The following TMEM53 variants were observed in gnomAD, a reference collection of about 807,000 sequenced individuals.
TMEM53 encodes the protein novel DUF829 domain-containing protein.
Under a neutral mutation model 21.4 loss-of-function variants are expected in TMEM53, and 14 were observed. The observed-to-expected ratio is 0.65, with a 90% confidence interval of 0.43 to 1.02. The LOEUF (loss-of-function observed/expected upper bound fraction) is 1.02. TMEM53 is among the 50% of genes least tolerant of loss of function. The pLI is 0.00. For missense variants in TMEM53, 323 were observed against 383.6 expected, an observed-to-expected ratio of 0.84 and a Z score of 1.32; for synonymous variants, 148 against 157.4, an observed-to-expected ratio of 0.94 and a Z score of 0.45.
At chr1:44,671,614 T>C (rs1645001558) in intron 1 of TMEM53, among the ~76,000 whole-genome samples, 1 of 151,972 alleles carries the variant, frequency 6.6e-6, no homozygotes, top group Non-Finnish European at 1.5e-5. Flanking sequence ...AAAATGAAAA[T>C]TTTTTAAACT....
chr1:44,670,050 G>A (rs2148538108), intron 1 of TMEM53, among the ~76,000 whole-genome samples: 1 of 151,226 alleles, frequency 6.6e-6, no homozygotes, highest in Admixed American at 6.6e-5. Context: ...CGCCAACCTC[G>A]GCCTCCCAAA....
At position 44,655,161 on chromosome 1, in the gene TMEM53, A is replaced by G; in HGVS notation, c.232T>C (p.Ser78Pro). 1 of 1,613,628 alleles carries G rather than the reference A, an allele frequency of 6.2e-7. No homozygotes were observed. Among genetic ancestry groups the G allele is most frequent in the Non-Finnish European group, 8.5e-7 (1 of 1,179,752 alleles). The change falls in exon 3 of 3, where the codon TCC (serine) becomes CCC (proline). Residue 78 changes from serine to proline, a missense_variant. This residue lies in a region of TMEM53 where 269 missense variants were observed against 334.5 expected (regional missense o/e 0.80). Transcript: ENST00000372237. The surrounding 1 kb of genome is among the most constrained non-coding windows in gnomAD (Gnocchi z 4.4). The part of the protein sequence containing the change: ...YTAPWHMVFF[S>P]ESLGIPSLRV... ...AGTGAAGGGATACCCAGTGACTCGG[A>G]GAAGAAGACCATGTGCCACGGGGCT...
intron 1 of TMEM53, among the ~76,000 whole-genome samples, chr1:44,669,797 A>AT (rs35923018): frequency 0.036 from 4,840 of 135,142 alleles, 100 homozygotes; most frequent in Non-Finnish European, 0.048. Flanking sequence ...AAAGCATCCT[A>AT]TTTTTTTTTT....
chr1:44,654,306 C>A lies in TMEM53; in HGVS notation c.*253G>T, dbSNP rs2148527367. 2.0e-6 allele frequency: 1 copy of A among 494,536 alleles called. No homozygotes were observed. Among genetic ancestry groups the A allele is most frequent in the South Asian group, 2.9e-5 (1 of 34,624 alleles). The allele number at this position is 494,536 out of a possible 1,614,324, so 30.6% of individuals were successfully genotyped here. A position where few individuals can be genotyped will look rare whatever the true frequency, so the allele number is the denominator to read the frequency against. On this transcript the variant is annotated 3_prime_UTR_variant, in exon 3 of 3. Coordinates refer to ENST00000372237, the MANE Select transcript of TMEM53 (RefSeq NM_024587.4). The surrounding 1 kb of genome is among the most constrained non-coding windows in gnomAD (Gnocchi z 7.0). ...TCAGCAGCCTGACTGTTGCACTTGT[C>A]CAAACACAACTGACTGCAAGGCTCC...
chr1:44,666,921 TAC>T (rs1644953784), intron 1 of TMEM53, among the ~76,000 whole-genome samples: 1 of 152,122 alleles, frequency 6.6e-6, no homozygotes, highest in South Asian at 2.1e-4. Context: ...CATGGCTTAC[TAC>T]AGTCTCAACC....
intron 1 of TMEM53, among the ~76,000 whole-genome samples, chr1:44,665,900 T>C (rs1421766103): frequency 1.3e-5 from 2 of 152,072 alleles, no homozygotes; most frequent in Non-Finnish European, 2.9e-5. Context: ...AAACTTTTTA[T>C]TTCAAAGGAC....
rs1228119975 is a variant in TMEM53, at chr1:44,653,553, T to C, written c.*1006A>G. 6.6e-6 allele frequency: 1 copy of C among 152,230 alleles called. No individual in the cohort carries two copies. The highest frequency in any genetic ancestry group is 2.4e-5 in the African/African-American group (1 of 41,450). The allele number at this position is 152,230 out of a possible 1,614,324, so 9.4% of individuals were successfully genotyped here. A position where few individuals can be genotyped will look rare whatever the true frequency, so the allele number is the denominator to read the frequency against. On this transcript the variant is annotated 3_prime_UTR_variant, in exon 3 of 3. Coordinates refer to ENST00000372237, the MANE Select transcript of TMEM53 (RefSeq NM_024587.4). ...TTGCAACTTTCCCAGACCCAGCGGC[T>C]TCCTAGCAAAGTGTGGTAGAGCCAG...
intron 1 of TMEM53, among the ~76,000 whole-genome samples, chr1:44,664,143 CCTT>C (rs1437379460): frequency 2.2e-5 from 3 of 135,794 alleles, no homozygotes; most frequent in Non-Finnish European, 3.2e-5. Flanking sequence ...CAGAATGAGA[CCTT>C]ATTATAAAAA....
chr1:44,668,571 T>C (rs1044732694), intron 1 of TMEM53, among the ~76,000 whole-genome samples: 1 of 152,250 alleles, frequency 6.6e-6, no homozygotes, highest in African/African-American at 2.4e-5. Flanking sequence ...AGACAAGGTC[T>C]TTCTGTGTTG....
chr1:44,663,543 A>T (rs1412161105), intron 1 of TMEM53, among the ~76,000 whole-genome samples: 1 of 152,134 alleles, frequency 6.6e-6, no homozygotes, highest in African/African-American at 2.4e-5. Flanking sequence ...CCTGGCCAAA[A>T]GTCATTGCTA....
intron 1 of TMEM53, among the ~76,000 whole-genome samples, chr1:44,668,033 G>A (rs921024466): frequency 6.6e-6 from 1 of 152,172 alleles, no homozygotes; most frequent in Non-Finnish European, 1.5e-5. Flanking sequence ...GTATACCCCA[G>A]GGGCATATGG....
Position 44,655,314 on chromosome 1 carries a change from G to A in TMEM53, c.184-105C>T. Reference sequence around the variant, plus strand: ...CCCCAGCCTGTAGGACATAGGCCATGGGGCCCACAGCGTCAGCAATGCTCT... The same window carrying A: ...CCCCAGCCTGTAGGACATAGGCCATAGGGCCCACAGCGTCAGCAATGCTCT... On this transcript the variant is annotated intron_variant, in intron 2 of 2. Transcript: ENST00000372237. The surrounding 1 kb of genome is among the most constrained non-coding windows in gnomAD (Gnocchi z 4.4). The A allele has an allele frequency of 5.2e-6, 6 of 1,151,900 alleles. No homozygotes were observed. Among genetic ancestry groups the A allele is most frequent in the Non-Finnish European group, 1.2e-6 (1 of 830,288 alleles). The allele number at this position is 1,151,900 out of a possible 1,614,324, so 71.4% of individuals were successfully genotyped here.
intron 1 of TMEM53, among the ~76,000 whole-genome samples, chr1:44,667,316 T>G (rs1375786466): frequency 9.1e-5 from 7 of 77,260 alleles, no homozygotes; most frequent in Admixed American, 4.1e-4. Flanking sequence ...TTTTTTGTTG[T>G]TTTTTTTTTT....
chr1:44,664,588 C>G (rs1035052186), intron 1 of TMEM53, among the ~76,000 whole-genome samples: 1 of 152,170 alleles, frequency 6.6e-6, no homozygotes, highest in African/African-American at 2.4e-5. Flanking sequence ...CCAAACCCAG[C>G]TGGTCTAACT....
intron 1 of TMEM53, chr1:44,674,042 T>C (rs1645050526): frequency 2.0e-6 from 2 of 985,220 alleles, no homozygotes; most frequent in Admixed American, 6.1e-5. Flanking sequence ...TGAGAAGTGA[T>C]TAAAGGGCAT....
intron 1 of TMEM53, among the ~76,000 whole-genome samples, chr1:44,669,473 G>A (rs1238798245): frequency 2.0e-5 from 3 of 152,118 alleles, no homozygotes; most frequent in Non-Finnish European, 2.9e-5. Context: ...CTGAAATCTC[G>A]GCATGCACAA....
chr1:44,655,183 G>A lies in TMEM53; in HGVS notation c.210C>T (p.Ala70=). 2 of 1,611,474 alleles carry A rather than the reference G, an allele frequency of 1.2e-6. No homozygotes were observed. Among genetic ancestry groups the A allele is most frequent in the Non-Finnish European group, 1.7e-6 (2 of 1,178,696 alleles). The change falls in exon 3 of 3, where the codon GCC becomes GCT. Residue 70 remains alanine (A), a synonymous_variant. Transcript: ENST00000372237. This position sits in a 1 kb window ranked among gnomAD's most constrained non-coding sequence, Gnocchi z 4.4. ...KRGCIVIRYT[A]PWHMVFFSES... is the part of the protein sequence containing the mutation. ...CGGAGAAGAAGACCATGTGCCACGGGGCTGTGTATCGGATTACGATGCAGC... is the reference window on the plus strand; with the variant it reads ...CGGAGAAGAAGACCATGTGCCACGGAGCTGTGTATCGGATTACGATGCAGC...
intron 1 of TMEM53, among the ~76,000 whole-genome samples, chr1:44,672,123 G>A (rs572921122): frequency 7.1e-4 from 108 of 152,330 alleles, no homozygotes; most frequent in African/African-American, 2.4e-3. Flanking sequence ...CCACAGCGTC[G>A]TGATCTCCTT....
rs1428532190 is a variant in TMEM53, at chr1:44,654,742, C to T, written c.651G>A (p.Ser217=). Residue 217 remains serine, a synonymous_variant, in exon 3 of 3, where the codon TCG becomes TCA. Transcript: ENST00000372237. This position sits in a 1 kb window ranked among gnomAD's most constrained non-coding sequence, Gnocchi z 7.0. ...GSRWPELYLY[S]RADEVVLARD... ...TGGCCAGGACTACTTCGTCAGCCCT[C>T]GAGTAGAGGTAGAGCTCGGGCCAGC... 15 of 1,613,860 alleles carry T rather than the reference C, an allele frequency of 9.3e-6. No individual in the cohort carries two copies. Among genetic ancestry groups the T allele is most frequent in the Middle Eastern group, 1.6e-4 (1 of 6,084 alleles).
Sources: allele counts gnomAD v4.1 joint callset (sites outside exome capture counted in the v4.1 genomes callset), GRCh38; gene constraint gnomAD v4.1.1; regional missense constraint gnomAD v4.1.1; non-coding constraint Gnocchi (gnomAD v3.1); transcripts MANE v1.5; gene names NCBI Gene and HGNC (gene_info 2026-07-23, HGNC 2026-07-21).